Variants in UBE4B observed in about 807,000 individuals in gnomAD.
UBE4B encodes the protein ubiquitin conjugation factor E4 B.
In UBE4B, 27 loss-of-function variants were observed where a neutral mutation model predicts 148.1. The ratio of observed to expected loss-of-function variants is 0.18; its 90% CI spans 0.13 to 0.25. The LOEUF (loss-of-function observed/expected upper bound fraction) is 0.25, where lower values mean the gene tolerates loss of function less well. Ranked by LOEUF, UBE4B falls within the 10% of genes least tolerant of loss-of-function variation. The probability of loss-of-function intolerance (pLI) is 1.00; values close to 1 mark genes in which losing one functional copy is unlikely to be tolerated. For missense variants in UBE4B, 1,170 were observed against 1,662.4 expected (o/e 0.70, Z 5.15); for synonymous variants, 596 against 619.3 (o/e 0.96, Z 0.56).
intron 21 of UBE4B, among the ~76,000 whole-genome samples, chr1:10,154,080 C>T (rs1193641507): frequency 6.6e-6 from 1 of 151,948 alleles, no homozygotes; most frequent in East Asian, 1.9e-4. Flanking sequence ...AAAACTCCGT[C>T]TCAAAAACAA....
At chr1:10,047,576 T>C (rs1229033228) in intron 1 of UBE4B, among the ~76,000 whole-genome samples, 1 of 143,410 alleles carries the variant, frequency 7.0e-6, no homozygotes, top group Non-Finnish European at 1.5e-5. Flanking sequence ...CACCGCAAGC[T>C]CCGCCTCCCA....
At chr1:10,102,703 G>T (rs1412880798) in intron 4 of UBE4B, among the ~76,000 whole-genome samples, 1 of 151,924 alleles carries the variant, frequency 6.6e-6, no homozygotes, top group African/African-American at 2.4e-5. Context: ...GAGCCACCAC[G>T]CCCGGCCATC....
chr1:10,079,555 A>G (rs2101844991), intron 2 of UBE4B, among the ~76,000 whole-genome samples: 1 of 152,338 alleles, frequency 6.6e-6, no homozygotes, highest in Non-Finnish European at 1.5e-5. Flanking sequence ...TAATACAGTT[A>G]TTTATATGCT....
intron 6 of UBE4B, among the ~76,000 whole-genome samples, 162 bp downstream of exon 6, chr1:10,105,906 T>C (rs1390842944): frequency 6.6e-6 from 1 of 152,164 alleles, no homozygotes; most frequent in Non-Finnish European, 1.5e-5. Context: ...AATTCTCTTT[T>C]CTAGATTATT....
Position 10,123,943 on chromosome 1 carries a change from T to G in UBE4B, c.1554+1867T>G, listed in dbSNP as rs568306840. ...CGCCTGCCACCACACCCAGCTAATTTTTTGTATTTTTATTAGAGACGGGGT... is the reference window on the plus strand; with the variant it reads ...CGCCTGCCACCACACCCAGCTAATTGTTTGTATTTTTATTAGAGACGGGGT... On this transcript the variant is annotated intron_variant, in intron 10 of 27. Coordinates refer to ENST00000343090, the MANE Select transcript of UBE4B (RefSeq NM_001105562.3). 7.9e-4 allele frequency among the ~76,000 whole-genome samples: 119 copies of G among 151,210 alleles called. 1 individual carries two copies. Among genetic ancestry groups the G allele is most frequent in the Middle Eastern group, 3.4e-3 (1 of 290 alleles).
At chr1:10,058,856 A>G (rs1274120085) in intron 1 of UBE4B, 2 of 152,288 alleles carry the variant, frequency 1.3e-5, no homozygotes, top group Non-Finnish European at 2.9e-5. Flanking sequence ...GGCTCCCAGT[A>G]GTGATGACTT....
intron 24 of UBE4B, among the ~76,000 whole-genome samples, chr1:10,169,501 A>C (rs545026227): frequency 6.6e-6 from 1 of 152,352 alleles, no homozygotes; most frequent in South Asian, 2.1e-4. Flanking sequence ...ACACGAAACA[A>C]AACAGCTCAG....
At chr1:10,144,259 GC>G (rs1483551994) in intron 17 of UBE4B, among the ~76,000 whole-genome samples, 1 of 152,144 alleles carries the variant, frequency 6.6e-6, no homozygotes, top group African/African-American at 2.4e-5. Context: ...TAGTAAAATA[GC>G]CTTTTGTTTT....
intron 4 of UBE4B, among the ~76,000 whole-genome samples, chr1:10,101,597 C>T (rs951321784): frequency 5.4e-5 from 8 of 148,954 alleles, no homozygotes; most frequent in African/African-American, 1.2e-4. Flanking sequence ...CAAGCTCCGC[C>T]TCCCAGGTTC....
rs1282040235 is a variant in UBE4B, at chr1:10,033,714, C to G, written c.24+20C>G. On this transcript the variant is annotated intron_variant, in intron 1 of 27. Transcript: ENST00000343090. ...GATGAGGTGAGGAGGTTGGGGGACA[C>G]CTTGAGGGATTAGTTGGCAACTCGT... 4 of 1,551,060 alleles carry G rather than the reference C, an allele frequency of 2.6e-6. No homozygotes were observed. In the African/African-American group the frequency reaches 5.6e-5, roughly 22 times the overall value.
At chr1:10,122,266 C>T (rs538969098) in intron 10 of UBE4B, among the ~76,000 whole-genome samples, 190 bp downstream of exon 10, 33 of 152,094 alleles carry the variant, frequency 2.2e-4, no homozygotes, top group Non-Finnish European at 4.3e-4. Context: ...CCCATTTCAA[C>T]GAATCAGTCA....
chr1:10,033,598 C>T lies in UBE4B; in HGVS notation c.-73C>T, dbSNP rs1471007532. 38 of 1,442,364 alleles carry T rather than the reference C, an allele frequency of 2.6e-5. No individual in the cohort carries two copies. The highest frequency in any genetic ancestry group is 3.1e-5 in the Non-Finnish European group (34 of 1,088,884). 89.3% of individuals were successfully genotyped at this position (1,442,364 alleles called of 1,614,324 possible). ...GACAGCCTGATAGACACCTTCCACT[C>T]TCCTTCCTCCCGCCGTGGTCTCGAG... On this transcript the variant is annotated 5_prime_UTR_variant, in exon 1 of 28. Coordinates refer to ENST00000343090, the MANE Select transcript of UBE4B (RefSeq NM_001105562.3).
intron 19 of UBE4B, among the ~76,000 whole-genome samples, chr1:10,147,949 C>T (rs913735497): frequency 2.0e-5 from 3 of 152,160 alleles, no homozygotes; most frequent in East Asian, 1.9e-4. Flanking sequence ...GTGTGTAGGC[C>T]GGGTGCGGTG....
rs116672048 is a variant in UBE4B, at chr1:10,044,684, C to A, written c.24+10990C>A. 9.7e-3 allele frequency among the ~76,000 whole-genome samples: 1,472 copies of A among 152,064 alleles called. 28 individuals carry two copies. Among genetic ancestry groups the A allele is most frequent in the African/African-American group, 0.034 (1,393 of 41,472 alleles). ...TGTAACTCCACCGCTTGGGCTCAAG[C>A]GATCCTCCCACCTCAGCCTCCTGAG... On this transcript the variant is annotated intron_variant, in intron 1 of 27. Coordinates refer to ENST00000343090, the MANE Select transcript of UBE4B (RefSeq NM_001105562.3).
chr1:10,073,850 A>G (rs980404317), intron 2 of UBE4B, among the ~76,000 whole-genome samples: 34 of 149,302 alleles, frequency 2.3e-4, no homozygotes, highest in Non-Finnish European at 4.4e-4. Flanking sequence ...TACCTTCTCG[A>G]GTGTGCAGTA....
chr1:10,095,710 C>A, intron 3 of UBE4B, 114 bp downstream of exon 3: 2 of 1,177,760 alleles, frequency 1.7e-6, no homozygotes, highest in African/African-American at 1.5e-5. Flanking sequence ...CATGCCAGTC[C>A]TTAGCAAATT....
rs369911066 is a variant in UBE4B at position 10,097,822 on chromosome 1, A to G, written c.347+2226A>G. On this transcript the variant is annotated intron_variant, in intron 3 of 27. Transcript: ENST00000343090. ...GAGACTTTGTCTCAAAAAAAGTAAT[A>G]AATAAATAAACACATCATGGAAAAT... Among the ~76,000 whole-genome samples the G allele has an allele frequency of 3.5e-4, 53 of 152,230 alleles. 1 individual carries two copies. In the South Asian group the frequency reaches 0.011, roughly 32 times the overall value.
At position 10,130,484 on chromosome 1, in the gene UBE4B, T is replaced by A; in HGVS notation, c.1696-16T>A. 1 of 1,612,306 alleles carries A rather than the reference T, an allele frequency of 6.2e-7. No individual in the cohort carries two copies. Among genetic ancestry groups the A allele is most frequent in the Non-Finnish European group, 8.5e-7 (1 of 1,178,746 alleles). ...CCTGTTCAGCGGCTTGACTGGCTCT[T>A]CCATCTTCTGCCTAGGTTGCTTCTT... is the stretch of plus-strand genomic sequence containing the variant. On this transcript the variant is annotated splice_polypyrimidine_tract_variant and intron_variant, in intron 12 of 27. Coordinates refer to ENST00000343090, the MANE Select transcript of UBE4B (RefSeq NM_001105562.3).
At chr1:10,171,652 C>T (rs1409725529) in intron 25 of UBE4B, among the ~76,000 whole-genome samples, 2 of 152,144 alleles carry the variant, frequency 1.3e-5, no homozygotes, top group African/African-American at 2.4e-5. Flanking sequence ...GAGGTCGAGG[C>T]GGGCAGATCA....
Sources: allele counts gnomAD v4.1 joint callset (sites outside exome capture counted in the v4.1 genomes callset), GRCh38; gene constraint gnomAD v4.1.1; transcripts MANE v1.5; gene names NCBI Gene and HGNC (gene_info 2026-07-23, HGNC 2026-07-21).